EFHB: variants seen among roughly 807,000 people sequenced by gnomAD.
EFHB encodes the protein EF-hand domain family member B.
A neutral mutation model predicts 87.2 loss-of-function variants in EFHB; 91 were observed. The observed-to-expected ratio is 1.04, with a 90% CI of 0.88 to 1.24. EFHB has a LOEUF of 1.24. Among genes scored for constraint, EFHB ranks in the 50% most tolerant of loss-of-function variants. EFHB has a pLI of 0.00. For missense variants in EFHB, 1,084 were observed against 998.8 expected, an observed-to-expected ratio of 1.09 and a Z score of -1.15; for synonymous variants, 325 against 333.6, an observed-to-expected ratio of 0.97 and a Z score of 0.28.
At chr3:19,945,495 G>A (rs1024982174) in intron 1 of EFHB, among the ~76,000 whole-genome samples, 3 of 152,194 alleles carry the variant, frequency 2.0e-5, no homozygotes, top group African/African-American at 7.2e-5. Flanking sequence ...GGTTTGTGAG[G>A]AGAAGAAAGA....
intron 1 of EFHB, 59 bp downstream of exon 1, chr3:19,933,171 C>T: frequency 1.3e-6 from 2 of 1,492,486 alleles, no homozygotes; most frequent in Non-Finnish European, 1.8e-6. Flanking sequence ...ACTTTATCAT[C>T]TCAATAAAGA....
At chr3:19,906,964 G>A (rs1392627686) in intron 5 of EFHB, among the ~76,000 whole-genome samples, 2 of 151,522 alleles carry the variant, frequency 1.3e-5, no homozygotes, top group African/African-American at 4.8e-5. Flanking sequence ...GACGACACAA[G>A]GATAGTCTCT....
At chr3:19,940,313 C>A in intron 1 of EFHB, 1 of 288,780 alleles carries the variant, frequency 3.5e-6, no homozygotes, top group South Asian at 3.3e-5. Flanking sequence ...GGAGGAGATC[C>A]ACCAACAGTG....
chr3:19,910,259 T>C (rs1460246622), intron 5 of EFHB, among the ~76,000 whole-genome samples: 1 of 151,968 alleles, frequency 6.6e-6, no homozygotes, highest in Non-Finnish European at 1.5e-5. Flanking sequence ...GGCCATTAAC[T>C]TCAAGCTGAC....
chr3:19,923,119 TA>T (rs1282693869), intron 1 of EFHB, among the ~76,000 whole-genome samples: 1 of 151,790 alleles, frequency 6.6e-6, no homozygotes, highest in African/African-American at 2.4e-5. Flanking sequence ...ATATAAAAAT[TA>T]GCCAGGCATG....
intron 1 of EFHB, chr3:19,943,193 C>T: frequency 3.8e-6 from 1 of 263,702 alleles, no homozygotes; most frequent in South Asian, 5.2e-5. Flanking sequence ...GTAAAGGTGA[C>T]ATAGCTTGGA....
chr3:19,917,345 G>A (rs951057474), intron 4 of EFHB, among the ~76,000 whole-genome samples: 4 of 151,996 alleles, frequency 2.6e-5, no homozygotes, highest in Non-Finnish European at 4.4e-5. Context: ...CAGATATGAT[G>A]CAATAAGGTA....
chr3:19,931,541 C>A (rs894571053), intron 1 of EFHB, among the ~76,000 whole-genome samples: 1 of 152,168 alleles, frequency 6.6e-6, no homozygotes, highest in African/African-American at 2.4e-5. Context: ...CATTCTGAGT[C>A]TGAAGGGGAA....
intron 1 of EFHB, chr3:19,940,429 G>T: frequency 2.2e-6 from 1 of 463,582 alleles, no homozygotes. Flanking sequence ...CTTCTCAACA[G>T]CCTGATTCTT....
At chr3:19,925,193 G>T (rs576205090) in intron 1 of EFHB, among the ~76,000 whole-genome samples, 22 of 145,942 alleles carry the variant, frequency 1.5e-4, no homozygotes, top group Non-Finnish European at 2.8e-4. Context: ...AGTGAGCCGA[G>T]ATCCGGCCAC....
upstream of EFHB, among the ~76,000 whole-genome samples, chr3:19,935,941 C>T (rs1487701527): frequency 1.6e-5 from 2 of 124,072 alleles, no homozygotes; most frequent in South Asian, 2.8e-4. Flanking sequence ...ACCTGGGAGG[C>T]GGAGGTTGCA....
intron 5 of EFHB, among the ~76,000 whole-genome samples, chr3:19,908,691 T>C (rs1180423404): frequency 6.6e-6 from 1 of 151,768 alleles, no homozygotes; most frequent in Non-Finnish European, 1.5e-5. Context: ...ATTGTGGGAA[T>C]TTTTTGTATA....
intron 1 of EFHB, among the ~76,000 whole-genome samples, chr3:19,922,100 G>T (rs939457830): frequency 6.6e-6 from 1 of 152,130 alleles, no homozygotes; most frequent in Non-Finnish European, 1.5e-5. Context: ...AGGAGGCAGA[G>T]GTTGCAGTGA....
chr3:19,921,971 C>A (rs1695452373), intron 1 of EFHB, among the ~76,000 whole-genome samples: 1 of 152,020 alleles, frequency 6.6e-6, no homozygotes, highest in Non-Finnish European at 1.5e-5. Context: ...TCAAGACCAG[C>A]CTGGCCAACA....
intron 8 of EFHB, among the ~76,000 whole-genome samples, chr3:19,897,226 T>C (rs1292753577): frequency 3.9e-5 from 6 of 152,236 alleles, no homozygotes; most frequent in African/African-American, 1.4e-4. Context: ...GACCACTCAG[T>C]GTGCCTTGGA....
intron 5 of EFHB, among the ~76,000 whole-genome samples, chr3:19,908,405 C>T (rs1196354647): frequency 2.0e-5 from 3 of 151,674 alleles, no homozygotes; most frequent in Non-Finnish European, 2.9e-5. Context: ...TGGTGGCGGG[C>T]GCCTGTAATC....
chr3:19,886,446 T>C (rs1694102983), intron 10 of EFHB, among the ~76,000 whole-genome samples: 1 of 151,812 alleles, frequency 6.6e-6, no homozygotes, highest in Admixed American at 6.6e-5. Flanking sequence ...ATAATTAAGA[T>C]ACAAAAATTA....
chr3:19,916,750 T>C (rs1056866202), intron 4 of EFHB, among the ~76,000 whole-genome samples: 10 of 152,164 alleles, frequency 6.6e-5, no homozygotes, highest in Non-Finnish European at 1.5e-4. Context: ...TGTAACTCCA[T>C]TTACAATTTC....
chr3:19,881,062 A>G (rs536352562), intron 12 of EFHB, among the ~76,000 whole-genome samples: 1 of 152,368 alleles, frequency 6.6e-6, no homozygotes, highest in African/African-American at 2.4e-5. Context: ...GTAATTAAAT[A>G]CAAATTAAGT....
Sources: allele counts gnomAD v4.1 joint callset (sites outside exome capture counted in the v4.1 genomes callset), GRCh38; gene constraint gnomAD v4.1.1; transcripts MANE v1.5; gene names NCBI Gene and HGNC (gene_info 2026-07-23, HGNC 2026-07-21).